The following ABHD12 variants were observed in gnomAD, a reference collection of about 807,000 sequenced individuals.
ABHD12 encodes lysophosphatidylserine lipase ABHD12.
A neutral mutation model predicts 58.3 loss-of-function variants in ABHD12; 43 were observed. That is an observed-to-expected ratio of 0.74 (90% CI 0.58 to 0.95). ABHD12 has a LOEUF of 0.95. Among genes scored for constraint, ABHD12 ranks in the 40% least tolerant of loss-of-function variants. The probability of loss-of-function intolerance (pLI) is 0.00; values close to 1 mark genes in which losing one functional copy is unlikely to be tolerated. For synonymous variants in ABHD12, 219 were observed against 211.2 expected, an observed-to-expected ratio of 1.04 and a Z score of -0.32; for missense variants, 539 against 537.2, an observed-to-expected ratio of 1.00 and a Z score of -0.03.
intron 1 of ABHD12, among the ~76,000 whole-genome samples, chr20:25,377,509 A>G (rs2146123047): frequency 6.6e-6 from 1 of 152,304 alleles, no homozygotes; most frequent in Admixed American, 6.5e-5. Context: ...AAGAGTCCCA[A>G]GGTGGCTCAG....
chr20:25,328,725 AG>A, intron 2 of ABHD12, among the ~76,000 whole-genome samples: 1 of 152,294 alleles, frequency 6.6e-6, no homozygotes, highest in African/African-American at 2.4e-5. Flanking sequence ...CATTCCAGGA[AG>A]CCAGTCTTCC....
chr20:25,351,793 C>T (rs1188600749), intron 1 of ABHD12, among the ~76,000 whole-genome samples: 1 of 151,872 alleles, frequency 6.6e-6, no homozygotes, highest in Admixed American at 6.6e-5. Context: ...CCCACCTACT[C>T]GGGAGGCTGA....
At chr20:25,306,262 A>G (rs1426981981) in intron 10 of ABHD12, among the ~76,000 whole-genome samples, 1 of 152,206 alleles carries the variant, frequency 6.6e-6, no homozygotes, top group Non-Finnish European at 1.5e-5. Flanking sequence ...CCATTTTGAA[A>G]TAAAACAACT....
At chr20:25,390,371 C>G in intron 1 of ABHD12, 142 bp downstream of exon 1, 1 of 858,788 alleles carries the variant, frequency 1.2e-6, no homozygotes, top group Non-Finnish European at 1.6e-6. Flanking sequence ...ATGCGGGACA[C>G]AGGCGCGGAC....
In ABHD12 at chr20:25,341,124, C is replaced by T. The variant is rs77754441; in HGVS notation, c.192-1773G>A. On this transcript the variant is annotated intron_variant, in intron 1 of 12. Transcript: ENST00000339157. ...GGTTCATTCAGAGATCATCATCGAG[C>T]GCCTGGCACTCTGAAGTGGTGGACA... Among the ~76,000 whole-genome samples the T allele has an allele frequency of 6.6e-3, 999 of 152,358 alleles. 16 individuals are homozygous for T. The highest frequency in any genetic ancestry group is 0.023 in the African/African-American group (957 of 41,588).
chr20:25,387,721 CG>C (rs1555827092), intron 1 of ABHD12, among the ~76,000 whole-genome samples: 1 of 151,628 alleles, frequency 6.6e-6, no homozygotes, highest in Non-Finnish European at 1.5e-5. Context: ...GCCTGGGTGA[CG>C]GAACTTTCTT....
In ABHD12 at chr20:25,314,898, C is replaced by G. The variant is rs779607294; in HGVS notation, c.619+27G>C. 2.6e-5 allele frequency: 42 copies of G among 1,613,738 alleles called. 1 individual carries two copies. In the South Asian group the frequency reaches 4.2e-4, roughly 16 times the overall value. ...CGCCAGCAAGCAGTGGAATTGTGCT[C>G]AGATGCTCTTGCAAAAGAAATCTCA... On this transcript the variant is annotated intron_variant, in intron 6 of 12. Transcript: ENST00000339157.
At chr20:25,326,058 G>A (rs1317177825) in intron 2 of ABHD12, among the ~76,000 whole-genome samples, 1 of 136,260 alleles carries the variant, frequency 7.3e-6, no homozygotes, top group Non-Finnish European at 1.6e-5. Context: ...ATGAAAGAGT[G>A]AGACTCTGTC....
chr20:25,327,781 C>A (rs1236721839), intron 2 of ABHD12, among the ~76,000 whole-genome samples: 1 of 152,134 alleles, frequency 6.6e-6, no homozygotes, highest in Non-Finnish European at 1.5e-5. Flanking sequence ...AAGATTCTGA[C>A]CCTCCCCAAA....
chr20:25,296,446 C>T (rs754795509), downstream of ABHD12: 10 of 1,613,926 alleles, frequency 6.2e-6, no homozygotes, highest in Admixed American at 5.0e-5. Flanking sequence ...CGGACCATCA[C>T]GGAGTATGCA....
chr20:25,362,022 C>CACA (rs1205768381), intron 1 of ABHD12, among the ~76,000 whole-genome samples: 3 of 150,714 alleles, frequency 2.0e-5, no homozygotes, highest in Admixed American at 6.6e-5. Flanking sequence ...TGCCTGTAAT[C>CACA]CCAGCACGTT....
intron 1 of ABHD12, among the ~76,000 whole-genome samples, chr20:25,380,666 C>T (rs137989591): frequency 2.0e-5 from 3 of 152,140 alleles, no homozygotes; most frequent in East Asian, 3.9e-4. Context: ...CTGCAACAGG[C>T]CTTCTTTAGG....
chr20:25,379,575 G>A (rs1295483722), intron 1 of ABHD12, among the ~76,000 whole-genome samples: 1 of 152,048 alleles, frequency 6.6e-6, no homozygotes, highest in African/African-American at 2.4e-5. Context: ...AGACATCACT[G>A]CACCTACTCT....
intron 1 of ABHD12, among the ~76,000 whole-genome samples, chr20:25,342,454 A>AT (rs11477444): frequency 0.1 from 14,674 of 142,272 alleles, 774 homozygotes; most frequent in Non-Finnish European, 0.12. Context: ...CAGATACCAC[A>AT]TTTTTTTTTT....
intron 9 of ABHD12, among the ~76,000 whole-genome samples, 175 bp downstream of exon 9, chr20:25,307,791 A>G (rs898989982): frequency 6.6e-6 from 1 of 152,244 alleles, no homozygotes; most frequent in African/African-American, 2.4e-5. Context: ...GCTGCAGGTT[A>G]TACTTCTTGG....
chr20:25,347,960 C>G (rs956412733), intron 1 of ABHD12, among the ~76,000 whole-genome samples: 6 of 150,924 alleles, frequency 4.0e-5, no homozygotes, highest in Non-Finnish European at 5.9e-5. Flanking sequence ...GCCTGGAATC[C>G]CAGCACTTTG....
chr20:25,388,521 GGAAGA>G (rs1237632259), intron 1 of ABHD12, among the ~76,000 whole-genome samples: 1 of 152,184 alleles, frequency 6.6e-6, no homozygotes, highest in African/African-American at 2.4e-5. Flanking sequence ...GCCTGAGCGA[GGAAGA>G]GAAGAAAGCT....
chr20:25,381,957 A>G (rs1340905179), intron 1 of ABHD12, among the ~76,000 whole-genome samples: 1 of 152,140 alleles, frequency 6.6e-6, no homozygotes, highest in Admixed American at 6.5e-5. Flanking sequence ...CACACTGGCC[A>G]GTACCCTGAG....
downstream of ABHD12, among the ~76,000 whole-genome samples, chr20:25,298,579 T>TATCA (rs756170146): frequency 2.2e-4 from 34 of 152,312 alleles, no homozygotes; most frequent in African/African-American, 6.7e-4. Flanking sequence ...CTAAAAATTC[T>TATCA]ATCAATCAAT....
Sources: gnomAD v4.1 joint callset for allele counts (sites outside exome capture counted in the v4.1 genomes callset) on GRCh38, gnomAD v4.1.1 for gene constraint, MANE v1.5 for transcripts, NCBI Gene and HGNC (gene_info 2026-07-23, HGNC 2026-07-21) for gene names.